The following ZMIZ1 variants were observed in gnomAD, a reference collection of about 807,000 sequenced individuals.
ZMIZ1 encodes zinc finger MIZ domain-containing protein 1.
A neutral mutation model predicts 113.9 loss-of-function variants in ZMIZ1; 17 were observed. The observed-to-expected ratio is 0.15, with a 90% CI of 0.10 to 0.22. The LOEUF is 0.22. Among genes scored for constraint, ZMIZ1 ranks in the 10% least tolerant of loss-of-function variants. The probability of loss-of-function intolerance (pLI) is 1.00; values close to 1 mark genes in which losing one functional copy is unlikely to be tolerated. For missense variants in ZMIZ1, 1,059 were observed against 1,477.8 expected, an observed-to-expected ratio of 0.72 and a Z score of 4.65; for synonymous variants, 607 against 603.1, an observed-to-expected ratio of 1.01 and a Z score of -0.09.
chr10:79,300,339 G>T (rs1193290187), intron 16 of ZMIZ1, among the ~76,000 whole-genome samples: 1 of 152,190 alleles, frequency 6.6e-6, no homozygotes, highest in Non-Finnish European at 1.5e-5. Flanking sequence ...TGGCCTGGGA[G>T]GACAGCTCCC....
chr10:79,200,061 G>A (rs777322532), intron 4 of ZMIZ1, among the ~76,000 whole-genome samples: 14 of 152,218 alleles, frequency 9.2e-5, no homozygotes, highest in Admixed American at 9.2e-4. Flanking sequence ...GCCTTAGAGA[G>A]TGTGTGTGAA....
At chr10:79,308,379 G>C (rs1854879957) in intron 23 of ZMIZ1, among the ~76,000 whole-genome samples, 1 of 152,228 alleles carries the variant, frequency 6.6e-6, no homozygotes, top group Non-Finnish European at 1.5e-5. Flanking sequence ...GCCTCCGGAG[G>C]CTGAAGTGGT....
chr10:79,285,306 T>C (rs1852996444), intron 8 of ZMIZ1: 1 of 363,084 alleles, frequency 2.8e-6, no homozygotes, highest in Non-Finnish European at 5.5e-6. Flanking sequence ...AGTCACTCAG[T>C]AAATCAGAAC....
At chr10:79,290,850 G>T (rs773496167) in intron 9 of ZMIZ1, 109 bp from the exon 10 acceptor site, 1 of 1,287,652 alleles carries the variant, frequency 7.8e-7, no homozygotes, top group African/African-American at 1.5e-5. Flanking sequence ...CCTCCCTGTT[G>T]TCCTGCCTCC....
chr10:79,284,051 A>G (rs1852905117), intron 8 of ZMIZ1, among the ~76,000 whole-genome samples: 1 of 152,248 alleles, frequency 6.6e-6, no homozygotes, highest in South Asian at 2.1e-4. Context: ...TACAAGTGCA[A>G]GGGAAGAAAT....
chr10:79,222,682 C>T (rs1340627208), intron 7 of ZMIZ1, among the ~76,000 whole-genome samples: 1 of 152,146 alleles, frequency 6.6e-6, no homozygotes, highest in Non-Finnish European at 1.5e-5. Context: ...CCCTGTCTCA[C>T]CCTCCCTGTC....
intron 4 of ZMIZ1, among the ~76,000 whole-genome samples, chr10:79,176,829 G>A (rs1328630717): frequency 6.6e-6 from 1 of 152,238 alleles, no homozygotes; most frequent in Non-Finnish European, 1.5e-5. Context: ...GCATTGGGAA[G>A]TCTCTTTTCT....
intron 4 of ZMIZ1, among the ~76,000 whole-genome samples, chr10:79,197,783 A>G (rs1238878059): frequency 6.6e-6 from 1 of 152,068 alleles, no homozygotes; most frequent in African/African-American, 2.4e-5. Context: ...GGATGTAACT[A>G]CATTTTCTTA....
intron 7 of ZMIZ1, among the ~76,000 whole-genome samples, chr10:79,262,439 G>A (rs534321246): frequency 6.6e-6 from 1 of 152,236 alleles, no homozygotes; most frequent in Non-Finnish European, 1.5e-5. Flanking sequence ...CTCTGGGACC[G>A]CACCATCCAG....
chr10:79,260,279 T>C (rs1353456258), intron 7 of ZMIZ1, among the ~76,000 whole-genome samples: 4 of 152,234 alleles, frequency 2.6e-5, no homozygotes, highest in African/African-American at 9.6e-5. Flanking sequence ...AGAGCTTTTG[T>C]TCCAGCATGG....
intron 13 of ZMIZ1, 69 bp from the exon 14 acceptor site, chr10:79,297,544 C>A: frequency 7.3e-7 from 1 of 1,368,542 alleles, no homozygotes; most frequent in Non-Finnish European, 1.0e-6. Context: ...ATTTTACTGT[C>A]CAGAGGGAGA....
chr10:79,071,134 G>A (rs992995251), intron 1 of ZMIZ1, among the ~76,000 whole-genome samples: 1 of 152,216 alleles, frequency 6.6e-6, no homozygotes, highest in African/African-American at 2.4e-5. Context: ...AAGGGCAGTG[G>A]GCGGCCGCCT....
intron 4 of ZMIZ1, among the ~76,000 whole-genome samples, chr10:79,177,948 C>T (rs1016203586): frequency 1.3e-5 from 2 of 152,156 alleles, no homozygotes; most frequent in Non-Finnish European, 2.9e-5. Flanking sequence ...GACTAAGTCA[C>T]GAGGAGGCTT....
At chr10:79,135,178 T>A (rs1844948535) in intron 2 of ZMIZ1, among the ~76,000 whole-genome samples, 1 of 152,146 alleles carries the variant, frequency 6.6e-6, no homozygotes, top group South Asian at 2.1e-4. Flanking sequence ...CAGTACCTAA[T>A]AAGGTGGGTT....
chr10:79,077,430 G>A (rs897966440), intron 1 of ZMIZ1, among the ~76,000 whole-genome samples: 1 of 142,896 alleles, frequency 7.0e-6, no homozygotes, highest in Non-Finnish European at 1.5e-5. Flanking sequence ...GAGGTGGTGG[G>A]ATTGGCTGGG....
At chr10:79,146,305 C>T (rs980785944) in intron 3 of ZMIZ1, among the ~76,000 whole-genome samples, 19 of 152,176 alleles carry the variant, frequency 1.2e-4, no homozygotes, top group Non-Finnish European at 2.1e-4. Context: ...GGGGTAGTAG[C>T]GGAGACACAG....
chr10:79,297,386 G>C (rs1045847624), intron 13 of ZMIZ1, among the ~76,000 whole-genome samples: 1 of 152,174 alleles, frequency 6.6e-6, no homozygotes, highest in African/African-American at 2.4e-5. Context: ...AGCATACTAG[G>C]TGTTGCTATT....
At chr10:79,255,701 C>T (rs1467311855) in intron 7 of ZMIZ1, among the ~76,000 whole-genome samples, 1 of 152,180 alleles carries the variant, frequency 6.6e-6, no homozygotes, top group South Asian at 2.1e-4. Flanking sequence ...CCCGCCACCC[C>T]CCACATTGAG....
intron 8 of ZMIZ1, among the ~76,000 whole-genome samples, chr10:79,278,591 C>G (rs956621781): frequency 1.3e-5 from 2 of 151,200 alleles, no homozygotes; most frequent in African/African-American, 4.8e-5. Context: ...TGCCGCCCTC[C>G]GCAGTGTTTG....
Sources: allele counts gnomAD v4.1 joint callset (sites outside exome capture counted in the v4.1 genomes callset), GRCh38; gene constraint gnomAD v4.1.1; transcripts MANE v1.5; gene names NCBI Gene and HGNC (gene_info 2026-07-23, HGNC 2026-07-21).